The following LRP1B variants were observed in gnomAD, a reference collection of about 807,000 sequenced individuals.
LRP1B encodes LDL receptor related protein 1B.
In LRP1B, 217 loss-of-function variants were observed where a neutral mutation model predicts 556.6. The observed-to-expected ratio is 0.39, with a 90% CI of 0.35 to 0.44. The LOEUF is 0.44. LRP1B is among the 20% of genes least tolerant of loss of function. The pLI, the probability that LRP1B is intolerant of heterozygous loss-of-function variation, is 1.00. For missense variants in LRP1B, 5,053 were observed against 5,620.8 expected (o/e 0.90, Z 3.23); for synonymous variants, 2,047 against 1,865.8 (o/e 1.10, Z -2.50).
chr2:140,864,904 A>C (rs568173500), intron 27 of LRP1B, among the ~76,000 whole-genome samples: 4 of 152,196 alleles, frequency 2.6e-5, no homozygotes, highest in Admixed American at 2.6e-4. Flanking sequence ...TTAATAGCTG[A>C]GACTCATGAA....
chr2:141,973,250 TATTG>T (rs1187147617), intron 1 of LRP1B, among the ~76,000 whole-genome samples: 1 of 151,748 alleles, frequency 6.6e-6, no homozygotes, highest in Admixed American at 6.6e-5. Context: ...AATAACTCTT[TATTG>T]ATTAAAATCA....
At chr2:141,247,950 G>A (rs1345910337) in intron 4 of LRP1B, among the ~76,000 whole-genome samples, 1 of 152,134 alleles carries the variant, frequency 6.6e-6, no homozygotes, top group Admixed American at 6.5e-5. Context: ...GCTCATGCCT[G>A]TAATCCCAGC....
intron 2 of LRP1B, among the ~76,000 whole-genome samples, chr2:141,676,508 T>C (rs1340389962): frequency 6.6e-6 from 1 of 152,158 alleles, no homozygotes; most frequent in Non-Finnish European, 1.5e-5. Flanking sequence ...CATCTCAGAA[T>C]ACCTATGTTA....
intron 1 of LRP1B, among the ~76,000 whole-genome samples, chr2:142,108,304 T>C (rs1364125923): frequency 1.3e-5 from 2 of 152,156 alleles, no homozygotes; most frequent in African/African-American, 4.8e-5. Context: ...TAAGCTTCTA[T>C]ATGTTTCAAT....
At chr2:141,390,418 C>T (rs1690007260) in intron 3 of LRP1B, among the ~76,000 whole-genome samples, 1 of 152,212 alleles carries the variant, frequency 6.6e-6, no homozygotes, top group South Asian at 2.1e-4. Flanking sequence ...CATAGAATTG[C>T]CAAATGAACC....
chr2:141,262,183 T>C (rs1459389079), intron 3 of LRP1B, among the ~76,000 whole-genome samples: 2 of 152,260 alleles, frequency 1.3e-5, no homozygotes, highest in Non-Finnish European at 2.9e-5. Flanking sequence ...TAGTCATATA[T>C]GTTATCTGCA....
chr2:140,392,433 G>GCAGA (rs1461588123), intron 66 of LRP1B, among the ~76,000 whole-genome samples: 2 of 152,002 alleles, frequency 1.3e-5, no homozygotes, highest in Non-Finnish European at 2.9e-5. Flanking sequence ...ATGTAAAAAT[G>GCAGA]CAGATTCAAT....
At chr2:141,294,376 T>C (rs1686098010) in intron 3 of LRP1B, among the ~76,000 whole-genome samples, 1 of 151,970 alleles carries the variant, frequency 6.6e-6, no homozygotes, top group South Asian at 2.1e-4. Context: ...TAAAATGTTT[T>C]AATTTAATAA....
In LRP1B at chr2:140,803,577, C is replaced by T. The variant is rs139176759; in HGVS notation, c.5359+10080G>A. On this transcript the variant is annotated intron_variant, in intron 32 of 90. Coordinates refer to ENST00000389484, the MANE Select transcript of LRP1B (RefSeq NM_018557.3). ...CCTCCCAAAGTGCTGGGATTACAGG[C>T]ATGAGCCACCACACCTGGCTGGAAC... 6.3e-3 allele frequency among the ~76,000 whole-genome samples: 955 copies of T among 152,144 alleles called. 12 individuals are homozygous for T. Among genetic ancestry groups the T allele is most frequent in the African/African-American group, 0.02 (841 of 41,510 alleles).
At chr2:140,873,437 A>G (rs1378769589) in intron 25 of LRP1B, among the ~76,000 whole-genome samples, 1 of 152,122 alleles carries the variant, frequency 6.6e-6, no homozygotes, top group African/African-American at 2.4e-5. Context: ...CTTTGTTTCA[A>G]AGCTAAATTA....
chr2:141,489,247 C>G (rs1683244145), intron 2 of LRP1B, among the ~76,000 whole-genome samples: 1 of 34,520 alleles, frequency 2.9e-5, no homozygotes, highest in Admixed American at 4.4e-4. Context: ...CTTCACCTCC[C>G]AAAACACTGG....
chr2:141,957,469 ACTTGT>A (rs1701287897), intron 1 of LRP1B, among the ~76,000 whole-genome samples: 1 of 151,442 alleles, frequency 6.6e-6, no homozygotes, highest in Non-Finnish European at 1.5e-5. Flanking sequence ...GGATTCAAAT[ACTTGT>A]CTTGCCTTGT....
intron 43 of LRP1B, among the ~76,000 whole-genome samples, chr2:140,588,064 C>T (rs1682058909): frequency 6.6e-6 from 1 of 151,766 alleles, no homozygotes; most frequent in South Asian, 2.1e-4. Context: ...CAACAGATGG[C>T]AAAGAATGGA....
At chr2:141,134,700 T>C (rs1574109982) in intron 7 of LRP1B, among the ~76,000 whole-genome samples, 3 of 148,240 alleles carry the variant, frequency 2.0e-5, no homozygotes, top group East Asian at 4.0e-4. Context: ...TTTAGGAAAA[T>C]AGGAGTCATT....
intron 1 of LRP1B, among the ~76,000 whole-genome samples, chr2:142,030,656 A>G (rs1574612847): frequency 6.6e-6 from 1 of 151,902 alleles, no homozygotes; most frequent in African/African-American, 2.4e-5. Flanking sequence ...TAATGGCAGG[A>G]GATAGATTTG....
chr2:142,127,798 A>T (rs1011975378), intron 1 of LRP1B, among the ~76,000 whole-genome samples: 7 of 152,064 alleles, frequency 4.6e-5, no homozygotes, highest in Admixed American at 4.6e-4. Flanking sequence ...GTGTCTCCAC[A>T]TTGTATCATA....
In LRP1B at chr2:142,026,715, T is replaced by A. The variant is rs144305491; in HGVS notation, c.82+103933A>T. 3.0e-4 allele frequency among the ~76,000 whole-genome samples: 46 copies of A among 152,180 alleles called. No homozygotes were observed. In the East Asian group the frequency reaches 8.9e-3, roughly 29 times the overall value. ...GGAACTGGGGGAACTTCGCTATCTA[T>A]GAATGTGTATTGCCCAGACTTATCT... On this transcript the variant is annotated intron_variant, in intron 1 of 90. Transcript: ENST00000389484.
chr2:141,870,111 T>C (rs1332246015), intron 1 of LRP1B, among the ~76,000 whole-genome samples: 2 of 151,994 alleles, frequency 1.3e-5, no homozygotes, highest in Admixed American at 1.3e-4. Flanking sequence ...GTAGTCACAC[T>C]CCTTTAAGTT....
intron 77 of LRP1B, among the ~76,000 whole-genome samples, chr2:140,340,360 G>T (rs190400420): frequency 6.6e-6 from 1 of 151,650 alleles, no homozygotes; most frequent in Admixed American, 6.6e-5. Flanking sequence ...ATAACAGTTT[G>T]AAATATTATC....
Sources: allele counts gnomAD v4.1 joint callset (sites outside exome capture counted in the v4.1 genomes callset), GRCh38; gene constraint gnomAD v4.1.1; transcripts MANE v1.5; gene names NCBI Gene and HGNC (gene_info 2026-07-23, HGNC 2026-07-21).